Variants in NPNT observed in about 807,000 individuals in gnomAD.
NPNT encodes preosteoblast EGF-like repeat protein with MAM domain.
In NPNT, 45 loss-of-function variants were observed where a neutral mutation model predicts 68.6. That is an observed-to-expected ratio of 0.66 (90% confidence interval 0.52 to 0.84). The LOEUF (loss-of-function observed/expected upper bound fraction) is 0.84. NPNT is among the 40% of genes least tolerant of loss of function. The pLI is 0.00. For synonymous variants in NPNT, 233 were observed against 253.3 expected, an observed-to-expected ratio of 0.92 and a Z score of 0.76; for missense variants, 672 against 714.8, an observed-to-expected ratio of 0.94 and a Z score of 0.68.
chr4:105,936,940 G>T (rs1266056548), intron 3 of NPNT, 69 bp from the exon 4 acceptor site: 3 of 1,486,208 alleles, frequency 2.0e-6, no homozygotes, highest in African/African-American at 1.4e-5. Flanking sequence ...ATATAGAAAA[G>T]AATTTTAGAT....
chr4:105,936,971 T>C, intron 3 of NPNT, 38 bp from the exon 4 acceptor site: 2 of 1,595,746 alleles, frequency 1.3e-6, no homozygotes, highest in Non-Finnish European at 1.7e-6. Flanking sequence ...AGTGCTGAGG[T>C]TTTGTAATTT....
chr4:105,900,674 GA>G (rs1726324685), intron 2 of NPNT, among the ~76,000 whole-genome samples: 7 of 152,124 alleles, frequency 4.6e-5, no homozygotes, highest in African/African-American at 1.7e-4. Flanking sequence ...GGAAGGATCA[GA>G]GATGCTACTC....
In NPNT at chr4:105,940,105, C is replaced by A; in HGVS notation, c.536C>A (p.Ser179Tyr). Residue 179 changes from serine (S) to tyrosine (Y), a missense_variant, in exon 6 of 12, where the codon TCC becomes TAC. Physicochemically the swap from Ser to Tyr is moderately radical, Grantham distance 144. Transcript: ENST00000379987. ...GATGAATGTGCTACAGGAAGAGCCTCCTGCCCTAGATTTAGGCAATGTGTC... is the reference window on the plus strand; with the variant it reads ...GATGAATGTGCTACAGGAAGAGCCTACTGCCCTAGATTTAGGCAATGTGTC... The part of the protein sequence containing the change: ...DVDECATGRA[S>Y]CPRFRQCVNT... 1 of 1,613,202 alleles carries A rather than the reference C, an allele frequency of 6.2e-7. No homozygotes were observed. Among genetic ancestry groups the A allele is most frequent in the Non-Finnish European group, 8.5e-7 (1 of 1,179,284 alleles).
chr4:105,899,421 C>T lies in NPNT; in HGVS notation c.172+1420C>T, dbSNP rs542852191. ...TTCTGATACTACAGAAGACTAAATT[C>T]CACCAGGCACCATTCTTCTTTTTTG... On this transcript the variant is annotated intron_variant, in intron 2 of 11. Coordinates refer to ENST00000379987, the MANE Select transcript of NPNT (RefSeq NM_001033047.3). Among the ~76,000 whole-genome samples the T allele has an allele frequency of 3.3e-4, 51 of 152,272 alleles. 1 individual carries two copies. In the South Asian group the frequency reaches 0.01, roughly 31 times the overall value.
At chr4:105,953,289 T>G (rs1025735025) in intron 8 of NPNT, among the ~76,000 whole-genome samples, 16 of 152,218 alleles carry the variant, frequency 1.1e-4, no homozygotes, top group Admixed American at 3.9e-4. Flanking sequence ...CATTGTTGAT[T>G]AGCAATGTCT....
intron 8 of NPNT, among the ~76,000 whole-genome samples, chr4:105,949,033 T>G (rs1265799383): frequency 6.6e-6 from 1 of 152,182 alleles, no homozygotes; most frequent in African/African-American, 2.4e-5. Context: ...AGCGTAAAAT[T>G]CTTGTTGTTT....
Position 105,971,118 on chromosome 4 carries a change from C to A in NPNT, c.*2128C>A, listed in dbSNP as rs1732534136. The A allele has an allele frequency of 6.8e-6, 3 of 443,664 alleles. No homozygotes were observed. The highest frequency in any genetic ancestry group is 2.0e-5 in the African/African-American group (1 of 49,172). The allele number at this position is 443,664 out of a possible 1,614,324, so 27.5% of individuals were successfully genotyped here. A position where few individuals can be genotyped will look rare whatever the true frequency, so the allele number is the denominator to read the frequency against. On this transcript the variant is annotated 3_prime_UTR_variant, in exon 12 of 12. Coordinates refer to ENST00000379987, the MANE Select transcript of NPNT (RefSeq NM_001033047.3). ...TCAGATTTTTTTTTTTTTAAGAGAT[C>A]CTTCAAGGAACACAGTTCAGAGAGA...
At chr4:105,942,910 T>G (rs1730102743) in intron 8 of NPNT, among the ~76,000 whole-genome samples, 1 of 152,230 alleles carries the variant, frequency 6.6e-6, no homozygotes, top group Non-Finnish European at 1.5e-5. Context: ...ATGGAAGGAA[T>G]ATTCACAAAG....
intron 2 of NPNT, chr4:105,912,674 GA>G (rs1727463186): frequency 2.0e-6 from 1 of 502,568 alleles, no homozygotes; most frequent in African/African-American, 2.1e-5. Context: ...TTTATTGTAT[GA>G]AATATGTTAT....
At chr4:105,947,093 T>C (rs955550947) in intron 8 of NPNT, among the ~76,000 whole-genome samples, 1 of 152,208 alleles carries the variant, frequency 6.6e-6, no homozygotes, top group African/African-American at 2.4e-5. Context: ...GAAAAGAATT[T>C]AGCAATATTA....
chr4:105,934,849 G>C (rs1729388135), intron 3 of NPNT, among the ~76,000 whole-genome samples: 1 of 152,066 alleles, frequency 6.6e-6, no homozygotes, highest in African/African-American at 2.4e-5. Flanking sequence ...TTTTGCCATG[G>C]GAACGGAAGG....
chr4:105,921,289 C>T (rs1480117294), intron 2 of NPNT, among the ~76,000 whole-genome samples: 1 of 152,110 alleles, frequency 6.6e-6, no homozygotes, highest in Non-Finnish European at 1.5e-5. Context: ...TTTTTCTGAC[C>T]ACCAGAAGAA....
rs186031188 is a variant in NPNT at position 105,951,072 on chromosome 4, G to T, written c.1160-7399G>T. Among the ~76,000 whole-genome samples the T allele has an allele frequency of 9.2e-5, 14 of 152,188 alleles. No individual in the cohort carries two copies. In the East Asian group the frequency reaches 2.7e-3, roughly 29 times the overall value. ...CTGCAGTCCCCACTTTGGATAGCAG[G>T]GCTCTTTCTAAAGCATAATGGCAGC... is the stretch of plus-strand genomic sequence containing the variant. On this transcript the variant is annotated intron_variant, in intron 8 of 11. Transcript: ENST00000379987.
Position 105,898,011 on chromosome 4 carries a change from A to C in NPNT, c.172+10A>C. 6.4e-7 allele frequency: 1 copy of C among 1,570,674 alleles called. No individual in the cohort carries two copies. Among genetic ancestry groups the C allele is most frequent in the South Asian group, 1.2e-5 (1 of 85,528 alleles). ...TGGGGACAGTGTCAGCGTGAGTATC[A>C]AGCCTGGGGACTTCAGTTCCCTGGG... is the stretch of plus-strand genomic sequence containing the variant. On this transcript the variant is annotated intron_variant, in intron 2 of 11. Transcript: ENST00000379987.
chr4:105,930,003 G>C (rs1355007658), intron 3 of NPNT, among the ~76,000 whole-genome samples: 1 of 152,042 alleles, frequency 6.6e-6, no homozygotes, highest in Non-Finnish European at 1.5e-5. Flanking sequence ...GATTTGATTA[G>C]TAGCAAAATG....
intron 3 of NPNT, among the ~76,000 whole-genome samples, chr4:105,936,564 T>G (rs900216649): frequency 6.6e-6 from 1 of 152,188 alleles, no homozygotes; most frequent in Non-Finnish European, 1.5e-5. Flanking sequence ...AGTAAAATAT[T>G]CTCATGTAAT....
At chr4:105,952,763 A>G (rs1730930517) in intron 8 of NPNT, among the ~76,000 whole-genome samples, 1 of 152,150 alleles carries the variant, frequency 6.6e-6, no homozygotes, top group Non-Finnish European at 1.5e-5. Context: ...CCTGTCCCCA[A>G]CAGCTGGTGG....
chr4:105,953,582 A>T (rs151103199), intron 8 of NPNT, among the ~76,000 whole-genome samples: 9 of 152,284 alleles, frequency 5.9e-5, no homozygotes, highest in African/African-American at 2.2e-4. Flanking sequence ...TATGTCCTGC[A>T]TCTGTAGAGA....
At position 105,942,694 on chromosome 4, in the gene NPNT, A is replaced by G. The variant is rs1730083161; in HGVS notation, c.1151A>G (p.Asp384Gly). 1 of 1,608,056 alleles carries G rather than the reference A, an allele frequency of 6.2e-7. No individual in the cohort carries two copies. Among genetic ancestry groups the G allele is most frequent in the Non-Finnish European group, 8.5e-7 (1 of 1,177,160 alleles). The change falls in exon 8 of 12, where the codon GAT (aspartate) becomes GGT (glycine). Residue 384 changes from aspartate (D) to glycine (G), a missense_variant. Physicochemically the swap from Asp to Gly is moderately conservative, Grantham distance 94. Coordinates refer to ENST00000379987, the MANE Select transcript of NPNT (RefSeq NM_001033047.3). ...VQTDPQKPRG[D>G]VFIPRQPSND... ...ACAGACCCTCAGAAACCCAGAGGAG[A>G]TGTGTTCAGTAAGTCTAATAAATGT...
Sources: allele counts gnomAD v4.1 joint callset (sites outside exome capture counted in the v4.1 genomes callset), GRCh38; gene constraint gnomAD v4.1.1; transcripts MANE v1.5; gene names NCBI Gene and HGNC (gene_info 2026-07-23, HGNC 2026-07-21).